Variants in ANK3 observed in about 807,000 individuals in gnomAD.
The protein encoded by ANK3 is ankyrin 3.
ANK3 carries 57 observed loss-of-function variants against 370.9 expected under a neutral mutation model. That is an observed-to-expected ratio of 0.15 (90% CI 0.12 to 0.19). ANK3 has a LOEUF of 0.19. Among genes scored for constraint, ANK3 ranks in the 10% least tolerant of loss-of-function variants. ANK3 has a pLI of 1.00. For synonymous variants in ANK3, 1,929 were observed against 1,946.3 expected (o/e 0.99, Z 0.23); for missense variants, 4,439 against 5,302.1 (o/e 0.84, Z 5.06).
intron 1 of ANK3, among the ~76,000 whole-genome samples, chr10:60,368,471 A>G (rs1004020314): frequency 5.3e-5 from 8 of 152,108 alleles, no homozygotes; most frequent in Non-Finnish European, 8.8e-5. Context: ...GGCTTTATTC[A>G]TGATGTTTAT....
intron 1 of ANK3, among the ~76,000 whole-genome samples, chr10:60,386,645 A>G (rs72806133): frequency 0.11 from 16,176 of 152,044 alleles, 949 homozygotes; most frequent in South Asian, 0.14. Context: ...TGTGAATCCA[A>G]TGTTAAGTCT....
intron 1 of ANK3, among the ~76,000 whole-genome samples, chr10:60,331,584 A>C (rs927543904): frequency 5.9e-5 from 9 of 151,814 alleles, no homozygotes; most frequent in African/African-American, 1.9e-4. Context: ...AAAAAAAAAA[A>C]AAACAAAAAG....
At chr10:60,084,417 AATT>A in intron 32 of ANK3, 182 bp downstream of exon 32, 3 of 310,816 alleles carry the variant, frequency 9.7e-6, no homozygotes, top group South Asian at 1.2e-4. Flanking sequence ...AAAAAAAAAA[AATT>A]AAATTAAATT....
rs72806110 is a variant in ANK3 at position 60,369,894 on chromosome 10, C to T, written c.114+19531G>A. Among the ~76,000 whole-genome samples, 737 of 152,278 alleles carry T rather than the reference C, an allele frequency of 4.8e-3. 4 individuals are homozygous for T. Among genetic ancestry groups the T allele is most frequent in the Non-Finnish European group, 6.2e-3 (421 of 67,990 alleles). On this transcript the variant is annotated intron_variant, in intron 1 of 43. Coordinates refer to ENST00000280772, the MANE Select transcript of ANK3 (RefSeq NM_020987.5). ...ACATACAGAGAGATTTACAAACACA[C>T]ATTAACACAAACTACAAGAAGAGTT... is the stretch of plus-strand genomic sequence containing the variant.
At chr10:60,081,102 G>T (rs1342987317) in intron 35 of ANK3, among the ~76,000 whole-genome samples, 1 of 152,090 alleles carries the variant, frequency 6.6e-6, no homozygotes, top group Non-Finnish European at 1.5e-5. Context: ...GCAGAGGAGG[G>T]TAGGGACGGA....
chr10:60,624,461 T>C (rs572093274), intron 1 of ANK3, among the ~76,000 whole-genome samples: 1 of 152,300 alleles, frequency 6.6e-6, no homozygotes, highest in South Asian at 2.1e-4. Flanking sequence ...GGAGCTCTTC[T>C]AGACCCTGAT....
Position 60,071,993 on chromosome 10 carries a change from C to G in ANK3, c.8888G>C (p.Arg2963Thr), listed in dbSNP as rs753560521. 8.1e-6 allele frequency: 13 copies of G among 1,613,984 alleles called. No homozygotes were observed. The South Asian group carries it at 9.9e-5, about 12-fold the overall frequency. ...CAGCATTCTCCTCTCATCAGCAACTCTGACGGGAATGTGTGACACTGCTGA... is the reference window on the plus strand; with the variant it reads ...CAGCATTCTCCTCTCATCAGCAACTGTGACGGGAATGTGTGACACTGCTGA... Reference protein sequence around the residue: ...ESSAVSHIPVRVADERRMLSS... With the variant: ...ESSAVSHIPVTVADERRMLSS... The change falls in exon 37 of 44, where the codon AGA becomes ACA. Residue 2963 changes from arginine (R) to threonine (T), a missense_variant. Arg to Thr is a moderately conservative substitution (Grantham distance 71). This residue lies in a region of ANK3 where 1,601 missense variants were observed against 1,731.7 expected (regional missense o/e 0.92). Transcript: ENST00000280772.
chr10:60,684,433 C>G (rs762181701), intron 1 of ANK3: 1 of 821,390 alleles, frequency 1.2e-6, no homozygotes, highest in Non-Finnish European at 1.9e-6. Context: ...ATAGTTGGAT[C>G]ACCTACGAAG....
At chr10:60,593,350 A>G (rs1334209181) in intron 2 of ANK3, among the ~76,000 whole-genome samples, 5 of 152,170 alleles carry the variant, frequency 3.3e-5, no homozygotes, top group African/African-American at 1.2e-4. Flanking sequence ...CATACAAATT[A>G]TTACCTTATG....
chr10:60,043,273 T>C (rs999706875), intron 42 of ANK3: 2 of 985,402 alleles, frequency 2.0e-6, no homozygotes, highest in African/African-American at 3.5e-5. Context: ...AGGAATACAG[T>C]TCCCCGAGAG....
At chr10:60,563,815 T>C (rs2077396652) in intron 2 of ANK3, among the ~76,000 whole-genome samples, 1 of 152,200 alleles carries the variant, frequency 6.6e-6, no homozygotes, top group Admixed American at 6.5e-5. Context: ...TTTTCCATCC[T>C]TTTTATAATA....
chr10:60,271,219 C>T (rs114687854), intron 4 of ANK3, among the ~76,000 whole-genome samples: 1 of 151,740 alleles, frequency 6.6e-6, no homozygotes, highest in Non-Finnish European at 1.5e-5. Context: ...CGCTCCATTG[C>T]TCTGTATCAA....
intron 28 of ANK3, among the ~76,000 whole-genome samples, chr10:60,089,457 GGTTGT>G (rs978745329): frequency 3.0e-5 from 4 of 131,720 alleles, no homozygotes; most frequent in African/African-American, 1.2e-4. Context: ...AGTCCATCCA[GGTTGT>G]GTGTGTGTGT....
At chr10:60,052,902 T>C (rs1306605634) in intron 42 of ANK3, among the ~76,000 whole-genome samples, 1 of 152,194 alleles carries the variant, frequency 6.6e-6, no homozygotes, top group East Asian at 1.9e-4. Context: ...GAAATGTTAG[T>C]TGTATAGATA....
chr10:60,231,300 T>C (rs1439534990), intron 8 of ANK3, among the ~76,000 whole-genome samples: 2 of 152,216 alleles, frequency 1.3e-5, no homozygotes, highest in African/African-American at 4.8e-5. Flanking sequence ...TCTTTTAAAC[T>C]GAATCCTCTA....
chr10:60,675,649 G>A (rs1450500791), intron 1 of ANK3, among the ~76,000 whole-genome samples: 2 of 152,162 alleles, frequency 1.3e-5, no homozygotes, highest in Non-Finnish European at 2.9e-5. Flanking sequence ...AATTTGAGTG[G>A]TTACTTTCTG....
chr10:60,259,120 G>A (rs2097772035), intron 7 of ANK3, among the ~76,000 whole-genome samples: 1 of 152,226 alleles, frequency 6.6e-6, no homozygotes, highest in African/African-American at 2.4e-5. Context: ...GCTGGGAAGG[G>A]AGAAGCCTCT....
chr10:60,204,842 A>AAC (rs2096736814), intron 11 of ANK3, among the ~76,000 whole-genome samples: 1 of 152,142 alleles, frequency 6.6e-6, no homozygotes, highest in African/African-American at 2.4e-5. Flanking sequence ...TCCTAGAAGG[A>AAC]ACATGTAGTC....
chr10:60,732,440 G>A (rs892453439), intron 1 of ANK3, among the ~76,000 whole-genome samples: 69 of 152,284 alleles, frequency 4.5e-4, no homozygotes, highest in African/African-American at 1.6e-3. Context: ...AGGGGTGTGG[G>A]GTGGGAAGAA....
Sources: gnomAD v4.1 joint callset for allele counts (sites outside exome capture counted in the v4.1 genomes callset) on GRCh38, gnomAD v4.1.1 for gene constraint, gnomAD v4.1.1 regional missense constraint, MANE v1.5 for transcripts, NCBI Gene and HGNC (gene_info 2026-07-23, HGNC 2026-07-21) for gene names.